DENND1A: variants seen among roughly 807,000 people sequenced by gnomAD.
DENND1A encodes DENN domain containing 1A.
Under a neutral mutation model 113.7 loss-of-function variants are expected in DENND1A, and 51 were observed. The ratio of observed to expected loss-of-function variants is 0.45; its 90% confidence interval spans 0.36 to 0.57. DENND1A has a LOEUF of 0.57. Among genes scored for constraint, DENND1A ranks in the 20% least tolerant of loss-of-function variants. The probability of loss-of-function intolerance (pLI) is 0.00; values close to 1 mark genes in which losing one functional copy is unlikely to be tolerated. For synonymous variants in DENND1A, 565 were observed against 570.8 expected (o/e 0.99, Z 0.14); for missense variants, 1,258 against 1,395.9 (o/e 0.90, Z 1.57).
chr9:123,603,800 C>G (rs1476370958), intron 11 of DENND1A, among the ~76,000 whole-genome samples: 1 of 152,200 alleles, frequency 6.6e-6, no homozygotes, highest in Non-Finnish European at 1.5e-5. Context: ...GGTGCTAATA[C>G]TTCGAAGAAA....
chr9:123,687,347 T>C (rs1283080422), intron 5 of DENND1A, among the ~76,000 whole-genome samples: 2 of 152,252 alleles, frequency 1.3e-5, no homozygotes, highest in Admixed American at 6.5e-5. Flanking sequence ...TTATGACTTA[T>C]GACTTGTTCA....
At chr9:123,829,694 T>TA (rs1475024577) in intron 2 of DENND1A, among the ~76,000 whole-genome samples, 1 of 151,938 alleles carries the variant, frequency 6.6e-6, no homozygotes, top group Non-Finnish European at 1.5e-5. Flanking sequence ...CCTGAATAGG[T>TA]ATAATAACTA....
intron 20 of DENND1A, among the ~76,000 whole-genome samples, chr9:123,406,145 T>G (rs1187323367): frequency 6.6e-6 from 1 of 152,232 alleles, no homozygotes; most frequent in Non-Finnish European, 1.5e-5. Context: ...GCTGGCTGCA[T>G]AAAAGACAAG....
intron 18 of DENND1A, among the ~76,000 whole-genome samples, chr9:123,448,308 T>C (rs1004336984): frequency 1.3e-5 from 2 of 152,232 alleles, no homozygotes; most frequent in Non-Finnish European, 2.9e-5. Flanking sequence ...ACTGGTTATT[T>C]GCAGAAATGT....
chr9:123,467,644 A>G (rs2049065945), intron 13 of DENND1A, among the ~76,000 whole-genome samples: 1 of 152,164 alleles, frequency 6.6e-6, no homozygotes, highest in African/African-American at 2.4e-5. Flanking sequence ...AACAAGAGAG[A>G]AACTCCGTCT....
chr9:123,382,568 T>A lies in DENND1A; in HGVS notation c.2077A>T (p.Thr693Ser), dbSNP rs1389560116. Residue 693 changes from threonine to serine, a missense_variant, in exon 24 of 24, where the codon ACC becomes TCC. By Grantham distance (58) the Thr-to-Ser change is moderately conservative. Transcript: ENST00000394215. Reference sequence around the variant, plus strand: ...CTCCAGAGCTTGTTGTACGGGTGGGTAAGCTTCAAGGCCACTGTCACCCCG... The same window carrying A: ...CTCCAGAGCTTGTTGTACGGGTGGGAAAGCTTCAAGGCCACTGTCACCCCG... Reference protein sequence around the residue: ...SRGVTVALKLTHPYNKLWSLG... With the variant: ...SRGVTVALKLSHPYNKLWSLG... The A allele has an allele frequency of 6.2e-7, 1 of 1,613,972 alleles. No individual in the cohort carries two copies. The highest frequency in any genetic ancestry group is 8.5e-7 in the Non-Finnish European group (1 of 1,179,978).
intron 10 of DENND1A, among the ~76,000 whole-genome samples, chr9:123,628,247 A>C (rs1365225311): frequency 6.6e-6 from 1 of 151,894 alleles, no homozygotes; most frequent in African/African-American, 2.4e-5. Context: ...AGCAGGGAAT[A>C]AGATGGGAAG....
chr9:123,513,580 T>C (rs1043347397), intron 13 of DENND1A, among the ~76,000 whole-genome samples: 2 of 152,220 alleles, frequency 1.3e-5, no homozygotes, highest in Non-Finnish European at 2.9e-5. Context: ...CTGGGTGTCA[T>C]ACAATCCATC....
At chr9:123,704,780 A>G (rs1358490564) in intron 5 of DENND1A, among the ~76,000 whole-genome samples, 1 of 152,348 alleles carries the variant, frequency 6.6e-6, no homozygotes, top group South Asian at 2.1e-4. Context: ...AAGCAGATCT[A>G]TAAAAGAACC....
At chr9:123,875,712 G>C (rs894334837) in intron 2 of DENND1A, among the ~76,000 whole-genome samples, 6 of 152,168 alleles carry the variant, frequency 3.9e-5, no homozygotes, top group African/African-American at 1.4e-4. Flanking sequence ...ACTCACACAG[G>C]CTCCAGAAAC....
intron 13 of DENND1A, among the ~76,000 whole-genome samples, chr9:123,498,053 A>C (rs2052105108): frequency 6.6e-6 from 1 of 152,246 alleles, no homozygotes; most frequent in Non-Finnish European, 1.5e-5. Context: ...CATGTCAGAA[A>C]GACACTTGTA....
intron 10 of DENND1A, among the ~76,000 whole-genome samples, chr9:123,610,834 GT>G (rs2137772680): frequency 6.6e-6 from 1 of 152,282 alleles, no homozygotes; most frequent in Admixed American, 6.5e-5. Context: ...ATACTAAGGA[GT>G]TTAGGCTTTA....
intron 21 of DENND1A, among the ~76,000 whole-genome samples, chr9:123,399,591 G>A (rs777427586): frequency 4.6e-5 from 7 of 152,174 alleles, no homozygotes; most frequent in Non-Finnish European, 8.8e-5. Flanking sequence ...CCTTCCCCAA[G>A]AAGAAACACT....
chr9:123,651,007 T>G (rs963060050), intron 9 of DENND1A, among the ~76,000 whole-genome samples: 2 of 151,624 alleles, frequency 1.3e-5, no homozygotes, highest in African/African-American at 4.8e-5. Flanking sequence ...ATGTCACTAG[T>G]AGAATTTAGA....
At chr9:123,497,078 CCAGGCATCCCTGTTCCAGG>C (rs749548321) in intron 13 of DENND1A, among the ~76,000 whole-genome samples, 1 of 152,206 alleles carries the variant, frequency 6.6e-6, no homozygotes, top group Non-Finnish European at 1.5e-5. Flanking sequence ...TAACATGAAC[CCAGGCATCCCTGTTCCAGG>C]CTGAGTTTGA....
At chr9:123,715,393 GC>G (rs763853933) in intron 5 of DENND1A, among the ~76,000 whole-genome samples, 27 of 152,142 alleles carry the variant, frequency 1.8e-4, no homozygotes, top group Admixed American at 5.2e-4. Flanking sequence ...ACTGTGAGCT[GC>G]CTGAAGACAG....
chr9:123,660,758 G>A (rs529190444), intron 8 of DENND1A, among the ~76,000 whole-genome samples: 1 of 152,142 alleles, frequency 6.6e-6, no homozygotes, highest in Non-Finnish European at 1.5e-5. Flanking sequence ...AATTTTAAAA[G>A]GCACAAACGC....
intron 5 of DENND1A, among the ~76,000 whole-genome samples, chr9:123,753,853 C>T (rs1478281250): frequency 6.6e-6 from 1 of 152,156 alleles, no homozygotes; most frequent in East Asian, 1.9e-4. Context: ...ATTACCTCTA[C>T]ATGGGGAAGG....
At chr9:123,423,457 T>C (rs1035575804) in intron 19 of DENND1A, among the ~76,000 whole-genome samples, 6 of 152,156 alleles carry the variant, frequency 3.9e-5, no homozygotes, top group African/African-American at 1.4e-4. Flanking sequence ...TTTCACACCT[T>C]GGCAGAGAAG....
Sources: allele counts gnomAD v4.1 joint callset (sites outside exome capture counted in the v4.1 genomes callset), GRCh38; gene constraint gnomAD v4.1.1; transcripts MANE v1.5; gene names NCBI Gene and HGNC (gene_info 2026-07-23, HGNC 2026-07-21).